WDR64: variants seen among roughly 807,000 people sequenced by gnomAD.
The protein encoded by WDR64 is WD repeat-containing protein 64.
A neutral mutation model predicts 139.3 loss-of-function variants in WDR64; 112 were observed. That is an observed-to-expected ratio of 0.80 (90% confidence interval 0.69 to 0.94). The LOEUF is 0.94. WDR64 is among the 40% of genes least tolerant of loss of function. WDR64 has a pLI of 0.00. For missense variants in WDR64, 1,206 were observed against 1,293.1 expected (o/e 0.93, Z 1.03); for synonymous variants, 444 against 437.7 (o/e 1.01, Z -0.18).
At chr1:241,729,106 C>T (rs1168666499) in intron 10 of WDR64, among the ~76,000 whole-genome samples, 1 of 152,054 alleles carries the variant, frequency 6.6e-6, no homozygotes. Flanking sequence ...CATTTGTTTC[C>T]CAGAGAGCCA....
rs181073860 is a variant in WDR64 at position 241,722,526 on chromosome 1, C to A, written c.1055-771C>A. Among the ~76,000 whole-genome samples the A allele has an allele frequency of 5.9e-5, 9 of 152,124 alleles. No homozygotes were observed. In the East Asian group the frequency reaches 1.5e-3, roughly 26 times the overall value. The stretch of plus-strand genomic sequence containing the variant: ...AAAGTAAAAAACTAGAATTAGTGGA[C>A]TAATCAATGGACAAGGGGTTAAGAA... On this transcript the variant is annotated intron_variant, in intron 9 of 27. Coordinates refer to ENST00000437684, the MANE Select transcript of WDR64 (RefSeq NM_001367482.1).
At chr1:241,714,701 A>T (rs145047689) in intron 9 of WDR64, among the ~76,000 whole-genome samples, 1 of 152,356 alleles carries the variant, frequency 6.6e-6, no homozygotes, top group East Asian at 1.9e-4. Context: ...CAACAGTATT[A>T]CAAAGATAAT....
chr1:241,653,517 T>C (rs1258678001), intron 1 of WDR64, among the ~76,000 whole-genome samples: 1 of 151,380 alleles, frequency 6.6e-6, no homozygotes, highest in Non-Finnish European at 1.5e-5. Context: ...TTTGCCCAAG[T>C]TACCCAAATT....
At chr1:241,746,809 G>A (rs1669777877) in intron 13 of WDR64, among the ~76,000 whole-genome samples, 1 of 150,858 alleles carries the variant, frequency 6.6e-6, no homozygotes, top group South Asian at 2.1e-4. Flanking sequence ...CCAGGCTGGA[G>A]TGCAGGGGCG....
chr1:241,760,588 A>C (rs1404094222), intron 15 of WDR64, among the ~76,000 whole-genome samples: 1 of 150,886 alleles, frequency 6.6e-6, no homozygotes, highest in Non-Finnish European at 1.5e-5. Context: ...CATTAGAAGG[A>C]AAAGAACAAC....
intron 8 of WDR64, among the ~76,000 whole-genome samples, chr1:241,697,664 C>G (rs1667547689): frequency 6.6e-6 from 1 of 152,206 alleles, no homozygotes; most frequent in Non-Finnish European, 1.5e-5. Context: ...CATTTTCCTC[C>G]TAACAATCAC....
intron 6 of WDR64, among the ~76,000 whole-genome samples, chr1:241,683,276 C>T (rs974210499): frequency 2.0e-5 from 3 of 152,178 alleles, no homozygotes; most frequent in Non-Finnish European, 4.4e-5. Flanking sequence ...ACTCCTTTCT[C>T]CACAAAACAC....
chr1:241,737,766 C>G (rs1381385117), intron 10 of WDR64, among the ~76,000 whole-genome samples: 1 of 152,108 alleles, frequency 6.6e-6, no homozygotes, highest in African/African-American at 2.4e-5. Context: ...AACTTAAGTT[C>G]TATTTGAGTA....
chr1:241,728,722 A>G lies in WDR64; in HGVS notation c.1194+5286A>G, dbSNP rs373235638. Among the ~76,000 whole-genome samples, 91 of 152,280 alleles carry G rather than the reference A, an allele frequency of 6.0e-4. 1 individual carries two copies. The South Asian group carries it at 0.017, about 28-fold the overall frequency. On this transcript the variant is annotated intron_variant, in intron 10 of 27. Coordinates refer to ENST00000437684, the MANE Select transcript of WDR64 (RefSeq NM_001367482.1). ...TGTTGAAAAATGCAGAGACAAATAT[A>G]ATCTTCACTTACTTTCATTTCATCA... is the stretch of plus-strand genomic sequence containing the variant.
chr1:241,801,348 TG>T lies in WDR64; in HGVS notation c.*136del. 4.1e-6 allele frequency: 3 copies of T among 724,546 alleles called. No individual in the cohort carries two copies. Among genetic ancestry groups the T allele is most frequent in the Non-Finnish European group, 6.7e-6 (3 of 445,080 alleles). 44.9% of individuals were successfully genotyped at this position (724,546 alleles called of 1,614,324 possible). ...CTCTGGTGTCAGGCCATCCTATTGA[TG>T]GGAAAGATTGCTTAGGGAGTTCTGG... On this transcript the variant is annotated 3_prime_UTR_variant, in exon 28 of 28. Coordinates refer to ENST00000437684, the MANE Select transcript of WDR64 (RefSeq NM_001367482.1).
chr1:241,728,423 GAACA>G (rs75431794), intron 10 of WDR64, among the ~76,000 whole-genome samples: 25,512 of 151,876 alleles, frequency 0.17, 2,357 homozygotes, highest in Non-Finnish European at 0.19. Flanking sequence ...ACAGAAAAGG[GAACA>G]GACAACATCC....
intron 20 of WDR64, among the ~76,000 whole-genome samples, chr1:241,773,805 T>C (rs928993698): frequency 2.6e-5 from 4 of 152,212 alleles, no homozygotes; most frequent in Non-Finnish European, 5.9e-5. Context: ...TTCAAAATAT[T>C]CAAATCTTTC....
In WDR64 at chr1:241,801,683, T is replaced by G. The variant is rs1016964902; in HGVS notation, c.*468T>G. 1 of 398,492 alleles carries G rather than the reference T, an allele frequency of 2.5e-6. No individual in the cohort carries two copies. Among genetic ancestry groups the G allele is most frequent in the African/African-American group, 2.1e-5 (1 of 48,608 alleles). 24.7% of individuals were successfully genotyped at this position (398,492 alleles called of 1,614,324 possible). ...ATCTCTAGATGTTTGTCTTCTTCAT[T>G]TAGAGAAATATTATCTGGAAGAAAA... On this transcript the variant is annotated 3_prime_UTR_variant, in exon 28 of 28. Transcript: ENST00000437684.
intron 10 of WDR64, among the ~76,000 whole-genome samples, chr1:241,725,907 T>C (rs77979605): frequency 0.06 from 9,090 of 152,208 alleles, 424 homozygotes; most frequent in East Asian, 0.15. Context: ...ATGGGGCTCA[T>C]TGCAGCCTCG....
rs531624065 is a variant in WDR64 at position 241,652,498 on chromosome 1, A to G, written c.14A>G (p.Lys5Arg). The change falls in exon 1 of 28, where the codon AAG (lysine) becomes AGG (arginine). Residue 5 changes from lysine to arginine, a missense_variant. Coordinates refer to ENST00000437684, the MANE Select transcript of WDR64 (RefSeq NM_001367482.1). ...CCCTATGTCCCTATGGATATCAGGA[A>G]GGAAAAGCGTCTCAACATGGCACTT... The part of the protein sequence containing the change: MDIR[K>R]EKRLNMALQM... The G allele has an allele frequency of 1.3e-6, 2 of 1,552,268 alleles. No homozygotes were observed. The highest frequency in any genetic ancestry group is 2.7e-5 in the African/African-American group (2 of 73,182).
chr1:241,672,223 T>C (rs1328025770), intron 3 of WDR64, among the ~76,000 whole-genome samples: 1 of 151,990 alleles, frequency 6.6e-6, no homozygotes, highest in Non-Finnish European at 1.5e-5. Context: ...AAACCCACCT[T>C]CATCCTTGAC....
At chr1:241,757,223 TAA>T in intron 14 of WDR64, 58 bp from the exon 15 acceptor site, 4 of 1,496,062 alleles carry the variant, frequency 2.7e-6, no homozygotes, top group Non-Finnish European at 2.7e-6. Context: ...TCTATCTCTT[TAA>T]AACAGTTCAA....
At chr1:241,743,231 A>C (rs1669619540) in intron 12 of WDR64, among the ~76,000 whole-genome samples, 2 of 152,172 alleles carry the variant, frequency 1.3e-5, no homozygotes, top group Admixed American at 6.5e-5. Flanking sequence ...GGAGGACCAC[A>C]TGAAGGTGAG....
chr1:241,784,825 G>A (rs543141600), intron 23 of WDR64, among the ~76,000 whole-genome samples: 2 of 150,826 alleles, frequency 1.3e-5, no homozygotes, highest in Admixed American at 6.6e-5. Context: ...GTGGTGGCAT[G>A]AGCCTGTAAT....
Sources: allele counts gnomAD v4.1 joint callset (sites outside exome capture counted in the v4.1 genomes callset), GRCh38; gene constraint gnomAD v4.1.1; transcripts MANE v1.5; gene names NCBI Gene and HGNC (gene_info 2026-07-23, HGNC 2026-07-21).